The following STAT5B variants were observed in gnomAD, a reference collection of about 807,000 sequenced individuals.
STAT5B encodes transcription factor STAT5B.
STAT5B carries 21 observed loss-of-function variants against 107.8 expected under a neutral mutation model. That is an observed-to-expected ratio of 0.19 (90% CI 0.14 to 0.28). The LOEUF is 0.28. Among genes scored for constraint, STAT5B ranks in the 10% least tolerant of loss-of-function variants. The pLI is 1.00. For missense variants in STAT5B, 565 were observed against 1,008.2 expected (o/e 0.56, Z 5.95); for synonymous variants, 325 against 401.7 (o/e 0.81, Z 2.28).
chr17:42,280,503 C>A (rs1362270841), upstream of STAT5B, among the ~76,000 whole-genome samples: 1 of 152,156 alleles, frequency 6.6e-6, no homozygotes, highest in Non-Finnish European at 1.5e-5. Flanking sequence ...ATTATGGCTT[C>A]CCTCCTGCAT....
intron 1 of STAT5B, among the ~76,000 whole-genome samples, chr17:42,255,957 G>A (rs998119915): frequency 2.4e-4 from 37 of 151,998 alleles, no homozygotes; most frequent in Non-Finnish European, 4.3e-4. Flanking sequence ...GCATGGTGGC[G>A]TGCACCTGTA....
At chr17:42,268,437 T>C (rs1052753050) in intron 1 of STAT5B, 2 of 152,148 alleles carry the variant, frequency 1.3e-5, no homozygotes, top group Admixed American at 6.5e-5. Context: ...GGTACCACAA[T>C]GACAAAATCG....
intron 16 of STAT5B, 75 bp from the exon 17 acceptor site, chr17:42,202,883 T>G: frequency 6.4e-7 from 1 of 1,573,180 alleles, no homozygotes; most frequent in Non-Finnish European, 8.8e-7. Context: ...GAATCACATC[T>G]TTTCTTAGGA....
intron 1 of STAT5B, among the ~76,000 whole-genome samples, chr17:42,237,439 T>A (rs2080365799): frequency 6.6e-6 from 1 of 152,182 alleles, no homozygotes; most frequent in South Asian, 2.1e-4. Flanking sequence ...AAGAAAAACA[T>A]TACTCTCTCT....
intron 1 of STAT5B, among the ~76,000 whole-genome samples, chr17:42,254,593 G>T (rs1230180130): frequency 6.6e-6 from 1 of 151,700 alleles, no homozygotes. Flanking sequence ...TCTCCCTCCA[G>T]GTGAACTGCT....
chr17:42,219,505 G>A, intron 6 of STAT5B, 42 bp from the exon 7 acceptor site: 1 of 1,232,064 alleles, frequency 8.1e-7, no homozygotes, highest in Non-Finnish European at 1.1e-6. Flanking sequence ...GGCTCCCAGA[G>A]AACACCGCAG....
At chr17:42,225,461 T>C (rs570322962) in intron 3 of STAT5B, among the ~76,000 whole-genome samples, 1 of 152,236 alleles carries the variant, frequency 6.6e-6, no homozygotes, top group Admixed American at 6.5e-5. Flanking sequence ...CTACCACCAA[T>C]GAGGGGACGA....
At position 42,261,263 on chromosome 17, in the gene STAT5B, G is replaced by A. The variant is rs112847020; in HGVS notation, c.-11+14985C>T. On this transcript the variant is annotated intron_variant, in intron 1 of 18. Coordinates refer to ENST00000293328, the MANE Select transcript of STAT5B (RefSeq NM_012448.4). ...ATCATGTTTTTAGGAAGTAGAGGAG[G>A]TAAGAGGTGATAAGCAAAAAATAAC... Among the ~76,000 whole-genome samples, 581 of 152,186 alleles carry A rather than the reference G, an allele frequency of 3.8e-3. 4 individuals carry two copies. Among genetic ancestry groups the A allele is most frequent in the African/African-American group, 0.013 (557 of 41,514 alleles).
chr17:42,242,708 C>G (rs530415828), intron 1 of STAT5B, among the ~76,000 whole-genome samples: 1 of 151,760 alleles, frequency 6.6e-6, no homozygotes, highest in Non-Finnish European at 1.5e-5. Context: ...TGGCTCATGC[C>G]TGTAATCCCA....
chr17:42,266,065 A>G (rs191255943), intron 1 of STAT5B, among the ~76,000 whole-genome samples: 2,373 of 152,196 alleles, frequency 0.016, 28 homozygotes, highest in South Asian at 0.027. Context: ...TGGCATAAAG[A>G]AGTTTTAAAT....
intron 11 of STAT5B, among the ~76,000 whole-genome samples, chr17:42,216,889 G>A (rs1468482899): frequency 6.6e-6 from 1 of 151,992 alleles, no homozygotes; most frequent in Non-Finnish European, 1.5e-5. Flanking sequence ...GTGTTAGCCA[G>A]GCTGGTCTTG....
intron 1 of STAT5B, among the ~76,000 whole-genome samples, chr17:42,240,367 A>G (rs2080391816): frequency 6.6e-6 from 1 of 152,254 alleles, no homozygotes; most frequent in Non-Finnish European, 1.5e-5. Flanking sequence ...TGACCTTGAA[A>G]TCATTATGTA....
rs747457595 is a variant in STAT5B at position 42,219,829 on chromosome 17, C to G, written c.564G>C (p.Pro188=). ...ESLRIQAQFG[P]LAQLSPQERL... ...GCTCCTGGGGGCTCAGCTGGGCCAG[C>G]GGGCCAAACTGAGCTAGAGGAGGGG... is the stretch of plus-strand genomic sequence containing the variant. The change falls in exon 6 of 19, where the codon CCG becomes CCC. Residue 188 remains proline, a synonymous_variant. Transcript: ENST00000293328. 1.9e-6 allele frequency: 3 copies of G among 1,614,106 alleles called. No homozygotes were observed. Among genetic ancestry groups the G allele is most frequent in the Middle Eastern group, 1.6e-4 (1 of 6,062 alleles).
chr17:42,210,446 T>G lies in STAT5B; in HGVS notation c.1732A>C (p.Met578Leu). ...TTGAGATGTTTTTTTAACACTTCCA[T>G]CACACCGTCAAACCATTGCCAGAAA... ...YTFWQWFDGV[M>L]EVLKKHLKPH... The change falls in exon 14 of 19, where the codon ATG becomes CTG. Residue 578 changes from methionine to leucine, a missense_variant. Coordinates refer to ENST00000293328, the MANE Select transcript of STAT5B (RefSeq NM_012448.4). 1 of 1,614,174 alleles carries G rather than the reference T, an allele frequency of 6.2e-7. No homozygotes were observed.
At chr17:42,227,477 A>C (rs2080283318) in intron 3 of STAT5B, 52 bp downstream of exon 3, 1 of 1,611,518 alleles carries the variant, frequency 6.2e-7, no homozygotes, top group African/African-American at 1.3e-5. Context: ...CTCTACAGGA[A>C]GAAGACCCCC....
chr17:42,229,243 G>A (rs540417257), intron 2 of STAT5B, among the ~76,000 whole-genome samples: 2 of 152,064 alleles, frequency 1.3e-5, no homozygotes, highest in Admixed American at 6.5e-5. Flanking sequence ...TCTGCCTCCC[G>A]GGTTCAAGTG....
the STAT5B span, among the ~76,000 whole-genome samples, chr17:42,283,998 C>T: frequency 6.6e-6 from 1 of 152,094 alleles, no homozygotes; most frequent in Admixed American, 6.5e-5. Context: ...TGAAAAGATA[C>T]TTCCTAGAAA....
chr17:42,225,104 G>C (rs2080262099), intron 3 of STAT5B, among the ~76,000 whole-genome samples: 1 of 152,014 alleles, frequency 6.6e-6, no homozygotes, highest in African/African-American at 2.4e-5. Flanking sequence ...GCCCAGGCTG[G>C]AGTGCAGTGG....
chr17:42,215,534 G>T (rs1470026904), intron 12 of STAT5B, among the ~76,000 whole-genome samples: 1 of 152,112 alleles, frequency 6.6e-6, no homozygotes, highest in Non-Finnish European at 1.5e-5. Context: ...TCAAACCCTG[G>T]CCCGATGTCA....
Sources: gnomAD v4.1 joint callset for allele counts (sites outside exome capture counted in the v4.1 genomes callset) on GRCh38, gnomAD v4.1.1 for gene constraint, MANE v1.5 for transcripts, NCBI Gene and HGNC (gene_info 2026-07-23, HGNC 2026-07-21) for gene names.